Variants in RSBN1L observed in about 807,000 individuals in gnomAD.
The protein encoded by RSBN1L is lysine-specific demethylase RSBN1L.
In RSBN1L, 30 loss-of-function variants were observed where a neutral mutation model predicts 67.7. The observed-to-expected ratio is 0.44, with a 90% CI of 0.33 to 0.60. The LOEUF is 0.60. Among genes scored for constraint, RSBN1L ranks in the 20% least tolerant of loss-of-function variants. The pLI is 0.02. For synonymous variants in RSBN1L, 433 were observed against 387.0 expected (o/e 1.12, Z -1.39); for missense variants, 992 against 1,031.7 (o/e 0.96, Z 0.53).
rs1185396023 is a variant in RSBN1L at position 77,696,997 on chromosome 7, C to T, written c.528C>T (p.Ala176=). The T allele has an allele frequency of 1.3e-6, 2 of 1,536,558 alleles. No homozygotes were observed. Among genetic ancestry groups the T allele is most frequent in the Non-Finnish European group, 8.7e-7 (1 of 1,148,092 alleles). ...GGAGGAGGCACGGTCTCGGTGGGGC[C>T]CGAGAGGCCGGCGGGGCCTCCCGGG... The part of the protein sequence containing the change: ...KERRRHGLGG[A]REAGGASREE... Residue 176 remains alanine, a synonymous_variant, in exon 1 of 8, where the codon GCC becomes GCT. Coordinates refer to ENST00000334955, the MANE Select transcript of RSBN1L (RefSeq NM_198467.3).
chr7:77,749,392 T>C, intron 2 of RSBN1L, 32 bp from the exon 3 acceptor site: 1 of 1,456,964 alleles, frequency 6.9e-7, no homozygotes, highest in Non-Finnish European at 9.1e-7. Flanking sequence ...GTAATTAAAA[T>C]ATGGAGTTTC....
At chr7:77,742,180 A>ATACACACACACACACACAC (rs60910312) in intron 2 of RSBN1L, among the ~76,000 whole-genome samples, 5 of 82,170 alleles carry the variant, frequency 6.1e-5, no homozygotes, top group African/African-American at 1.2e-4. Flanking sequence ...AAAAAAAAAA[A>ATACACACACACACACACAC]ATACACACAC....
chr7:77,725,331 C>T (rs1791185713), intron 1 of RSBN1L, among the ~76,000 whole-genome samples: 1 of 118,064 alleles, frequency 8.5e-6, no homozygotes, highest in Non-Finnish European at 1.7e-5. Context: ...TCACTGCAAC[C>T]TCTGCCTCCT....
chr7:77,770,673 C>T (rs964043221), intron 5 of RSBN1L, among the ~76,000 whole-genome samples: 5 of 151,840 alleles, frequency 3.3e-5, no homozygotes, highest in Admixed American at 3.3e-4. Flanking sequence ...AGAACCAGAA[C>T]CTATCTCTTA....
At chr7:77,727,330 G>A (rs962217543) in intron 1 of RSBN1L, among the ~76,000 whole-genome samples, 4 of 151,918 alleles carry the variant, frequency 2.6e-5, no homozygotes, top group African/African-American at 9.7e-5. Flanking sequence ...CCAGTGATCT[G>A]TCTGTCTCGG....
chr7:77,745,963 C>T (rs1791478490), intron 2 of RSBN1L, among the ~76,000 whole-genome samples: 1 of 152,084 alleles, frequency 6.6e-6, no homozygotes, highest in African/African-American at 2.4e-5. Flanking sequence ...CTAATACTGA[C>T]AGGAAGTGGA....
chr7:77,712,600 A>G (rs1280324638), intron 1 of RSBN1L, among the ~76,000 whole-genome samples: 1 of 152,142 alleles, frequency 6.6e-6, no homozygotes. Flanking sequence ...TTTTTAATGC[A>G]CACAACATTG....
At chr7:77,718,935 G>A (rs1470038078) in intron 1 of RSBN1L, among the ~76,000 whole-genome samples, 2 of 152,172 alleles carry the variant, frequency 1.3e-5, no homozygotes, top group African/African-American at 2.4e-5. Flanking sequence ...CTGTTGCTGT[G>A]TTATGTATGG....
intron 1 of RSBN1L, among the ~76,000 whole-genome samples, chr7:77,710,677 ACT>A (rs1288527347): frequency 6.6e-6 from 1 of 151,570 alleles, no homozygotes; most frequent in East Asian, 1.9e-4. Context: ...CTCACCGTAA[ACT>A]CTGCCTCCTG....
intron 2 of RSBN1L, among the ~76,000 whole-genome samples, chr7:77,745,687 G>A (rs997329668): frequency 6.6e-6 from 1 of 152,104 alleles, no homozygotes; most frequent in Non-Finnish European, 1.5e-5. Context: ...ATGGACAGAT[G>A]GGATGGTTTC....
chr7:77,761,154 A>G (rs1050562488), intron 3 of RSBN1L, among the ~76,000 whole-genome samples: 25 of 152,228 alleles, frequency 1.6e-4, no homozygotes, highest in Admixed American at 2.0e-4. Flanking sequence ...ATTGCTGAAC[A>G]TATGCAACAT....
At chr7:77,748,644 C>T (rs1429620473) in intron 2 of RSBN1L, among the ~76,000 whole-genome samples, 1 of 151,958 alleles carries the variant, frequency 6.6e-6, no homozygotes, top group African/African-American at 2.4e-5. Flanking sequence ...ACCACCATGC[C>T]CAGCTAATTT....
Position 77,768,706 on chromosome 7 carries a change from C to T in RSBN1L, c.1528C>T (p.Arg510Ter). The T allele has an allele frequency of 6.2e-7, 1 of 1,613,586 alleles. No homozygotes were observed. Among genetic ancestry groups the T allele is most frequent in the Non-Finnish European group, 8.5e-7 (1 of 1,179,632 alleles). The change falls in exon 5 of 8, where the codon CGA becomes TGA. Residue 510 changes from arginine (R) to a stop codon, truncating the protein, a stop_gained. Transcript: ENST00000334955. LOFTEE classifies it high-confidence loss of function. ...GTLSSLKLQS[R>*]KDSDDGPIMW... ...GCTATCTAGTCTAAAATTACAGAGT[C>T]GAAAAGATAGTGATGATGGTCCCAT...
intron 2 of RSBN1L, among the ~76,000 whole-genome samples, chr7:77,737,966 T>A (rs1241828988): frequency 6.6e-6 from 1 of 150,922 alleles, no homozygotes; most frequent in East Asian, 2.0e-4. Flanking sequence ...GAGGTTGCAG[T>A]GAGCTGAGAT....
At chr7:77,743,376 A>C (rs1791439899) in intron 2 of RSBN1L, among the ~76,000 whole-genome samples, 1 of 152,012 alleles carries the variant, frequency 6.6e-6, no homozygotes, top group African/African-American at 2.4e-5. Context: ...AGACGGGTGG[A>C]TAATCTGAGG....
At chr7:77,703,456 C>G (rs986863774) in intron 1 of RSBN1L, among the ~76,000 whole-genome samples, 3 of 108,238 alleles carry the variant, frequency 2.8e-5, no homozygotes, top group Non-Finnish European at 5.6e-5. Context: ...GTGTGTGTGT[C>G]TCTTTTTTCC....
chr7:77,756,376 A>G (rs1452657848), intron 3 of RSBN1L, among the ~76,000 whole-genome samples: 1 of 151,954 alleles, frequency 6.6e-6, no homozygotes, highest in Non-Finnish European at 1.5e-5. Context: ...CAGGTGATCT[A>G]CCTGCCTCGG....
intron 1 of RSBN1L, among the ~76,000 whole-genome samples, chr7:77,712,087 C>G (rs1315458195): frequency 3.3e-5 from 5 of 151,546 alleles, no homozygotes; most frequent in Admixed American, 2.6e-4. Flanking sequence ...TAAAAATTGC[C>G]TAATTAAATT....
intron 3 of RSBN1L, among the ~76,000 whole-genome samples, chr7:77,750,296 G>GTT (rs36054297): frequency 0.023 from 1,338 of 57,534 alleles, 29 homozygotes; most frequent in Middle Eastern, 0.054. Flanking sequence ...AAGATTCTGT[G>GTT]TTTTTTTTTT....
Sources: allele counts gnomAD v4.1 joint callset (sites outside exome capture counted in the v4.1 genomes callset), GRCh38; gene constraint gnomAD v4.1.1; transcripts MANE v1.5; gene names NCBI Gene and HGNC (gene_info 2026-07-23, HGNC 2026-07-21).